CRLF2: variants seen among roughly 807,000 people sequenced by gnomAD.
CRLF2 encodes cytokine receptor like factor 2.
A neutral mutation model predicts 38.7 loss-of-function variants in CRLF2; 41 were observed. The ratio of observed to expected loss-of-function variants is 1.06; its 90% CI spans 0.83 to 1.37. The LOEUF is 1.37. Ranked by LOEUF, CRLF2 falls within the 40% of genes most tolerant of loss-of-function variation. CRLF2 has a pLI of 0.00. For synonymous variants in CRLF2, 140 were observed against 128.8 expected, an observed-to-expected ratio of 1.09 and a Z score of -0.59; for missense variants, 377 against 322.2, an observed-to-expected ratio of 1.17 and a Z score of -1.30.
At chrX:1,197,930 A>G (rs1287855225) in intron 5 of CRLF2, among the ~76,000 whole-genome samples, 2 of 152,152 alleles carry the variant, frequency 1.3e-5, no homozygotes, top group African/African-American at 4.8e-5. Flanking sequence ...TGAACGTGGG[A>G]GACAGATGTT....
chrX:1,195,773 T>C (rs2086462451), intron 6 of CRLF2, among the ~76,000 whole-genome samples: 2 of 135,632 alleles, frequency 1.5e-5, no homozygotes, highest in Non-Finnish European at 3.1e-5. Context: ...ATTATATATA[T>C]ATTTATATAA....
chrX:1,207,505 C>A (rs1485207194), intron 2 of CRLF2, among the ~76,000 whole-genome samples: 423 of 39,720 alleles, frequency 0.011, 6 homozygotes, highest in African/African-American at 0.057. Context: ...TGATCCACCC[C>A]CCCCCCCCTC....
In CRLF2 at chrX:1,212,230, CCAAT is replaced by C. The variant is rs1258566521; in HGVS notation, c.79+322_79+325del. ...GATAGATTAAAAATGAATATATCTA[CCAAT>C]CAATCAATCAATAGATAGACACACA... On this transcript the variant is annotated intron_variant, in intron 1 of 7. Transcript: ENST00000400841. 5.9e-5 allele frequency among the ~76,000 whole-genome samples: 9 copies of C among 151,624 alleles called. No homozygotes were observed. In the East Asian group the frequency reaches 1.2e-3, roughly 20 times the overall value.
intron 2 of CRLF2, 22 bp from the exon 3 acceptor site, chrX:1,206,621 A>G: frequency 6.2e-7 from 1 of 1,608,216 alleles, no homozygotes; most frequent in South Asian, 1.1e-5. Context: ...AACGATGACC[A>G]TTCAGCAACA....
At chrX:1,204,206 T>C (rs1273801640) in intron 3 of CRLF2, among the ~76,000 whole-genome samples, 1 of 96,104 alleles carries the variant, frequency 1.0e-5, no homozygotes, top group Non-Finnish European at 2.4e-5. Context: ...AGAGCATCTC[T>C]AATTAATTCC....
rs369457350 is a variant in CRLF2 at position 1,196,855 on chromosome X, T to C, written c.692A>G (p.Lys231Arg). Reference sequence around the variant, plus strand: ...GGCCAGGCTGGAAATTAAAATAAATTTGGACAGCTTTGGTTTGGGAGGCGT... The same window carrying C: ...GGCCAGGCTGGAAATTAAAATAAATCTGGACAGCTTTGGTTTGGGAGGCGT... ...TPTPPKPKLS[K>R]FILISSLAIL... The change falls in exon 6 of 8, where the codon AAA becomes AGA. Residue 231 changes from lysine to arginine, a missense_variant. Coordinates refer to ENST00000400841, the MANE Select transcript of CRLF2 (RefSeq NM_022148.4). 1.2e-6 allele frequency: 2 copies of C among 1,613,448 alleles called. No homozygotes were observed. The highest frequency in any genetic ancestry group is 4.5e-5 in the East Asian group (2 of 44,892).
chrX:1,195,764 T>TTA (rs1190066388), intron 6 of CRLF2, among the ~76,000 whole-genome samples: 21,484 of 138,214 alleles, frequency 0.16, 2,194 homozygotes, highest in Admixed American at 0.3. Context: ...TATTTTTATA[T>TTA]TATATATATA....
chrX:1,203,660 C>A (rs773415282), intron 3 of CRLF2, among the ~76,000 whole-genome samples: 2 of 152,050 alleles, frequency 1.3e-5, no homozygotes, highest in African/African-American at 2.4e-5. Context: ...ACACCTGGAG[C>A]CCCCAGGAGC....
chrX:1,202,907 G>A (rs1235629256), intron 3 of CRLF2, among the ~76,000 whole-genome samples: 2 of 151,790 alleles, frequency 1.3e-5, no homozygotes, highest in African/African-American at 2.4e-5. Flanking sequence ...TCAGGAGTTC[G>A]AGACCAGCCT....
chrX:1,208,334 G>A (rs2086728439), intron 2 of CRLF2, among the ~76,000 whole-genome samples: 1 of 152,096 alleles, frequency 6.6e-6, no homozygotes. Flanking sequence ...TGAGGCAGGT[G>A]GATCACATGA....
chrX:1,212,249 ATAG>A (rs1442614957), intron 1 of CRLF2, among the ~76,000 whole-genome samples: 16 of 152,040 alleles, frequency 1.1e-4, no homozygotes, highest in Middle Eastern at 3.4e-3. Flanking sequence ...CAATCAATAG[ATAG>A]ACACACACAC....
Position 1,190,516 on chromosome X carries a change from G to A in CRLF2, c.*381C>T, listed in dbSNP as rs1446680839. 23 of 263,620 alleles carry A rather than the reference G, an allele frequency of 8.7e-5. No homozygotes were observed. Among genetic ancestry groups the A allele is most frequent in the African/African-American group, 2.8e-4 (13 of 46,504 alleles). 16.3% of individuals were successfully genotyped at this position (263,620 alleles called of 1,614,324 possible). ...TCTCAAAACAGACAAAAAATCCTCC[G>A]AGAATCCAATGCTATGGGAATGGTA... is the stretch of plus-strand genomic sequence containing the variant. On this transcript the variant is annotated 3_prime_UTR_variant, in exon 8 of 8. Transcript: ENST00000400841.
intron 7 of CRLF2, among the ~76,000 whole-genome samples, chrX:1,191,614 C>G (rs1391231282): frequency 2.0e-5 from 3 of 151,604 alleles, no homozygotes; most frequent in Non-Finnish European, 2.9e-5. Context: ...TGACTGCAGC[C>G]TCCGCCTACC....
intron 2 of CRLF2, among the ~76,000 whole-genome samples, chrX:1,207,295 G>T (rs1265808943): frequency 7.0e-6 from 1 of 143,278 alleles, no homozygotes; most frequent in Non-Finnish European, 1.5e-5. Flanking sequence ...TGTTCTTGTT[G>T]CCCAGGCTGG....
chrX:1,195,565 G>A lies in CRLF2; in HGVS notation c.767+1215C>T, dbSNP rs1339696744. Among the ~76,000 whole-genome samples the A allele has an allele frequency of 3.2e-4, 47 of 147,624 alleles. 1 individual carries two copies. Among genetic ancestry groups the A allele is most frequent in the African/African-American group, 1.1e-3 (46 of 40,868 alleles). On this transcript the variant is annotated intron_variant, in intron 6 of 7. Transcript: ENST00000400841. The stretch of plus-strand genomic sequence containing the variant: ...TGGGACTACAAGTGCACGCTACTAC[G>A]CCCAGCTAATTTTATTTTTTCCTTT...
chrX:1,210,005 G>A lies in CRLF2; in HGVS notation c.80-1097C>T, dbSNP rs760036025. 1.2e-4 allele frequency among the ~76,000 whole-genome samples: 18 copies of A among 151,578 alleles called. No individual in the cohort carries two copies. The South Asian group carries it at 3.8e-3, about 32-fold the overall frequency. On this transcript the variant is annotated intron_variant, in intron 1 of 7. Transcript: ENST00000400841. ...TGTAATCCCAGCTACCTGGGAGGCT[G>A]AGGCAGGAGAATGGCTTGAACTCAG...
intron 3 of CRLF2, among the ~76,000 whole-genome samples, chrX:1,205,041 G>A (rs2086668025): frequency 1.3e-5 from 2 of 151,854 alleles, no homozygotes; most frequent in Non-Finnish European, 1.5e-5. Context: ...TGGTGAGGCT[G>A]GTCTCGAACT....
intron 3 of CRLF2, among the ~76,000 whole-genome samples, chrX:1,203,585 C>A (rs1187353733): frequency 2.0e-5 from 3 of 150,748 alleles, no homozygotes; most frequent in Admixed American, 6.6e-5. Flanking sequence ...GAAGAGGAGA[C>A]ACAGAGGAGA....
intron 1 of CRLF2, among the ~76,000 whole-genome samples, chrX:1,211,281 A>ATGGG (rs2086793777): frequency 6.8e-6 from 1 of 146,090 alleles, no homozygotes; most frequent in African/African-American, 2.5e-5. Flanking sequence ...GGATGGATGG[A>ATGGG]TGGATGGATA....
Sources: gnomAD v4.1 joint callset for allele counts (sites outside exome capture counted in the v4.1 genomes callset) on GRCh38, gnomAD v4.1.1 for gene constraint, MANE v1.5 for transcripts, NCBI Gene and HGNC (gene_info 2026-07-23, HGNC 2026-07-21) for gene names.